The following CCDC148 variants were observed in gnomAD, a reference collection of about 807,000 sequenced individuals.
The protein encoded by CCDC148 is coiled-coil domain-containing protein 148.
Under a neutral mutation model 85.7 loss-of-function variants are expected in CCDC148, and 89 were observed. That is an observed-to-expected ratio of 1.04 (90% CI 0.87 to 1.24). The LOEUF (loss-of-function observed/expected upper bound fraction) is 1.24, where lower values mean the gene tolerates loss of function less well. CCDC148 is among the 50% of genes most tolerant of loss of function. The pLI, the probability that CCDC148 is intolerant of heterozygous loss-of-function variation, is 0.00. For synonymous variants in CCDC148, 230 were observed against 213.9 expected (o/e 1.08, Z -0.66); for missense variants, 692 against 671.7 (o/e 1.03, Z -0.33).
chr2:158,422,972 C>G (rs1293058871), intron 1 of CCDC148, among the ~76,000 whole-genome samples: 1 of 152,058 alleles, frequency 6.6e-6, no homozygotes, highest in Non-Finnish European at 1.5e-5. Context: ...AGTGAACTCC[C>G]ATTCAGAATT....
intron 9 of CCDC148, among the ~76,000 whole-genome samples, chr2:158,261,493 C>T (rs1032305846): frequency 1.3e-5 from 2 of 150,812 alleles, no homozygotes; most frequent in African/African-American, 2.4e-5. Context: ...CAAAACTAAT[C>T]GCAACAAAAT....
intron 1 of CCDC148, chr2:158,365,949 G>A (rs1256637383): frequency 1.2e-5 from 14 of 1,132,106 alleles, no homozygotes; most frequent in African/African-American, 3.3e-5. Context: ...TTCCAATTGT[G>A]TATCATTTCA....
intron 9 of CCDC148, among the ~76,000 whole-genome samples, chr2:158,251,693 G>A (rs1375370501): frequency 1.3e-5 from 2 of 151,792 alleles, no homozygotes; most frequent in Admixed American, 6.6e-5. Context: ...GACTGCCATT[G>A]AAAGAGGATG....
chr2:158,338,292 AT>A (rs1230974382), intron 7 of CCDC148, among the ~76,000 whole-genome samples: 5 of 152,136 alleles, frequency 3.3e-5, no homozygotes, highest in Middle Eastern at 3.2e-3. Flanking sequence ...TATAGAAGAA[AT>A]TTTTTTAAAA....
chr2:158,312,599 C>CAGA (rs1692086992), intron 8 of CCDC148, among the ~76,000 whole-genome samples: 1 of 135,476 alleles, frequency 7.4e-6, no homozygotes, highest in Admixed American at 7.9e-5. Flanking sequence ...AAAAAAAAAC[C>CAGA]AAAAAACAAA....
chr2:158,262,204 T>A (rs1240223888), intron 9 of CCDC148, among the ~76,000 whole-genome samples: 1 of 151,846 alleles, frequency 6.6e-6, no homozygotes, highest in Non-Finnish European at 1.5e-5. Flanking sequence ...AGATCATATA[T>A]TTTGCAGAAA....
At chr2:158,330,442 T>C (rs1261099354) in intron 7 of CCDC148, among the ~76,000 whole-genome samples, 4 of 152,216 alleles carry the variant, frequency 2.6e-5, no homozygotes, top group Non-Finnish European at 5.9e-5. Context: ...GCATCAATGT[T>C]TATCAGCGAT....
chr2:158,428,886 C>A (rs1023908738), intron 1 of CCDC148, among the ~76,000 whole-genome samples: 13 of 152,000 alleles, frequency 8.6e-5, no homozygotes, highest in African/African-American at 2.9e-4. Flanking sequence ...GGAACCAACC[C>A]AAATGTCCAT....
intron 10 of CCDC148, among the ~76,000 whole-genome samples, chr2:158,247,834 C>T (rs1226791359): frequency 6.6e-6 from 1 of 152,002 alleles, no homozygotes; most frequent in African/African-American, 2.4e-5. Context: ...CCAGCCTGGG[C>T]GACAGAGCGA....
chr2:158,276,072 T>C (rs1689927278), intron 9 of CCDC148, among the ~76,000 whole-genome samples: 1 of 152,172 alleles, frequency 6.6e-6, no homozygotes, highest in Non-Finnish European at 1.5e-5. Context: ...AAGTTATTTA[T>C]ATGACTTGGA....
chr2:158,244,261 T>G (rs893207918), intron 10 of CCDC148, among the ~76,000 whole-genome samples: 1 of 151,944 alleles, frequency 6.6e-6, no homozygotes, highest in Non-Finnish European at 1.5e-5. Context: ...TCTGTATTAG[T>G]TTTTTTTAAA....
intron 1 of CCDC148, among the ~76,000 whole-genome samples, chr2:158,414,063 T>C (rs1445605659): frequency 6.6e-6 from 1 of 152,218 alleles, no homozygotes; most frequent in East Asian, 1.9e-4. Context: ...TCGAGCTCTC[T>C]GGAGGAAATT....
At chr2:158,379,150 T>C (rs781668663) in intron 1 of CCDC148, among the ~76,000 whole-genome samples, 1 of 152,078 alleles carries the variant, frequency 6.6e-6, no homozygotes, top group Non-Finnish European at 1.5e-5. Context: ...GAGGTCAAAA[T>C]AAATAGCAGC....
intron 9 of CCDC148, among the ~76,000 whole-genome samples, chr2:158,309,005 C>G (rs116112088): frequency 6.6e-6 from 1 of 152,162 alleles, no homozygotes; most frequent in Non-Finnish European, 1.5e-5. Flanking sequence ...AGCAAGCTTG[C>G]CCCAATGTAT....
intron 1 of CCDC148, among the ~76,000 whole-genome samples, chr2:158,453,428 C>A (rs958689369): frequency 1.3e-5 from 2 of 152,132 alleles, no homozygotes; most frequent in Non-Finnish European, 1.5e-5. Flanking sequence ...GCCACCTGAG[C>A]GGAACTATTA....
intron 1 of CCDC148, among the ~76,000 whole-genome samples, chr2:158,366,470 G>T (rs1166151437): frequency 6.6e-6 from 1 of 152,170 alleles, no homozygotes; most frequent in Non-Finnish European, 1.5e-5. Context: ...ATACAGAGAT[G>T]CACCAGCCAG....
rs541320161 is a variant in CCDC148, at chr2:158,342,116, A to G, written c.252-1436T>C. The stretch of plus-strand genomic sequence containing the variant: ...GTGATCTCGACTCATTGCAACCTCC[A>G]CCTCCCAGGTTCAAGCAATTCTCCT... On this transcript the variant is annotated intron_variant, in intron 3 of 13. Coordinates refer to ENST00000283233, the MANE Select transcript of CCDC148 (RefSeq NM_138803.4). 2.8e-4 allele frequency among the ~76,000 whole-genome samples: 37 copies of G among 130,490 alleles called. 1 individual carries two copies. Among genetic ancestry groups the G allele is most frequent in the African/African-American group, 1.1e-3 (37 of 33,518 alleles). The allele number at this position is 130,490 out of a possible 152,430, so 85.6% of individuals were successfully genotyped here. A position where few individuals can be genotyped will look rare whatever the true frequency, so the allele number is the denominator to read the frequency against.
intron 9 of CCDC148, among the ~76,000 whole-genome samples, chr2:158,275,835 T>TA (rs1689915333): frequency 6.6e-6 from 1 of 152,174 alleles, no homozygotes; most frequent in Admixed American, 6.5e-5. Context: ...GGGTTTCTCT[T>TA]ACAATGGAAG....
chr2:158,184,229 TG>T (rs756480141), intron 11 of CCDC148, among the ~76,000 whole-genome samples: 51 of 152,232 alleles, frequency 3.4e-4, no homozygotes, highest in Middle Eastern at 3.4e-3. Context: ...ACAGGGTCTC[TG>T]CAGAATCAGA....
Sources: allele counts gnomAD v4.1 joint callset (sites outside exome capture counted in the v4.1 genomes callset), GRCh38; gene constraint gnomAD v4.1.1; transcripts MANE v1.5; gene names NCBI Gene and HGNC (gene_info 2026-07-23, HGNC 2026-07-21).